RAI14: variants seen among roughly 807,000 people sequenced by gnomAD.
The protein encoded by RAI14 is ankycorbin.
A neutral mutation model predicts 115.4 loss-of-function variants in RAI14; 45 were observed. The observed-to-expected ratio is 0.39, with a 90% CI of 0.31 to 0.50. The LOEUF (loss-of-function observed/expected upper bound fraction) is 0.50. Ranked by LOEUF, RAI14 falls within the 20% of genes least tolerant of loss-of-function variation. RAI14 has a pLI of 0.85. For synonymous variants in RAI14, 371 were observed against 415.4 expected (o/e 0.89, Z 1.30); for missense variants, 939 against 1,131.2 (o/e 0.83, Z 2.44).
At chr5:34,668,889 G>C (rs1168593364) in intron 1 of RAI14, among the ~76,000 whole-genome samples, 1 of 151,608 alleles carries the variant, frequency 6.6e-6, no homozygotes, top group Non-Finnish European at 1.5e-5. Context: ...ATAGAGTCTC[G>C]CTCTGTCCCC....
chr5:34,668,754 C>T (rs1743405763), intron 1 of RAI14, among the ~76,000 whole-genome samples: 1 of 152,054 alleles, frequency 6.6e-6, no homozygotes, highest in Non-Finnish European at 1.5e-5. Context: ...ACTTACCATC[C>T]AAGATTTTCT....
chr5:34,708,319 T>C (rs899849445), intron 2 of RAI14, among the ~76,000 whole-genome samples: 1 of 151,948 alleles, frequency 6.6e-6, no homozygotes. Context: ...TCTCCTGCCG[T>C]AGCCTCCCGA....
intron 2 of RAI14, among the ~76,000 whole-genome samples, chr5:34,748,258 A>G (rs1200386858): frequency 6.6e-6 from 1 of 152,230 alleles, no homozygotes; most frequent in African/African-American, 2.4e-5. Context: ...AATAATCTTA[A>G]GCAAAAATGT....
intron 2 of RAI14, among the ~76,000 whole-genome samples, chr5:34,716,556 G>T (rs1305798273): frequency 6.6e-6 from 1 of 152,076 alleles, no homozygotes; most frequent in Admixed American, 6.6e-5. Flanking sequence ...GAGCCTACAG[G>T]TGCGTGCCAC....
At chr5:34,706,980 A>G (rs928538406) in intron 2 of RAI14, among the ~76,000 whole-genome samples, 1 of 152,254 alleles carries the variant, frequency 6.6e-6, no homozygotes, top group East Asian at 1.9e-4. Flanking sequence ...GATGATAAAT[A>G]TGTAAAACAT....
At chr5:34,785,017 G>A (rs146033629) in intron 3 of RAI14, among the ~76,000 whole-genome samples, 1 of 152,210 alleles carries the variant, frequency 6.6e-6, no homozygotes, top group East Asian at 1.9e-4. Context: ...CTGAATTAAT[G>A]GCTCATAAAT....
chr5:34,726,538 A>G lies in RAI14; in HGVS notation c.37-30930A>G, dbSNP rs567848317. Among the ~76,000 whole-genome samples the G allele has an allele frequency of 3.9e-5, 6 of 152,290 alleles. No individual in the cohort carries two copies. In the South Asian group the frequency reaches 1.2e-3, roughly 32 times the overall value. On this transcript the variant is annotated intron_variant, in intron 2 of 17. Transcript: ENST00000265109. ...CCAGGTCCCTCCCCTAACACTGGGAATTACAATCCAAGGTGAGATTTGGAT... is the reference window on the plus strand; with the variant it reads ...CCAGGTCCCTCCCCTAACACTGGGAGTTACAATCCAAGGTGAGATTTGGAT...
intron 1 of RAI14, among the ~76,000 whole-genome samples, chr5:34,668,886 C>T (rs1309794981): frequency 6.6e-6 from 1 of 151,866 alleles, no homozygotes; most frequent in Non-Finnish European, 1.5e-5. Context: ...GAGATAGAGT[C>T]TCGCTCTGTC....
chr5:34,822,502 C>G (rs1273023896), intron 14 of RAI14, among the ~76,000 whole-genome samples: 1 of 151,144 alleles, frequency 6.6e-6, no homozygotes, highest in African/African-American at 2.4e-5. Flanking sequence ...CAATAGAACC[C>G]AAAGCAAGCT....
chr5:34,831,019 C>G lies in RAI14; in HGVS notation c.*254C>G. On this transcript the variant is annotated 3_prime_UTR_variant, in exon 18 of 18. Transcript: ENST00000265109. Reference sequence around the variant, plus strand: ...ATTCCAGAGCTGGGATCAGCCATGCCCAGAGGTCTGGTCCTGATGCTGGCA... The same window carrying G: ...ATTCCAGAGCTGGGATCAGCCATGCGCAGAGGTCTGGTCCTGATGCTGGCA... 1 of 590,566 alleles carries G rather than the reference C, an allele frequency of 1.7e-6. No individual in the cohort carries two copies. The highest frequency in any genetic ancestry group is 2.4e-5 in the South Asian group (1 of 42,526). 36.6% of individuals were successfully genotyped at this position (590,566 alleles called of 1,614,324 possible). A position where few individuals can be genotyped will look rare whatever the true frequency, so the allele number is the denominator to read the frequency against.
intron 4 of RAI14, among the ~76,000 whole-genome samples, chr5:34,801,966 A>T (rs1339742681): frequency 6.6e-6 from 1 of 152,100 alleles, no homozygotes; most frequent in Non-Finnish European, 1.5e-5. Context: ...AGGGAGTCTG[A>T]GGTGGGAGGA....
At chr5:34,691,898 C>T (rs1738648210) in intron 2 of RAI14, among the ~76,000 whole-genome samples, 1 of 152,136 alleles carries the variant, frequency 6.6e-6, no homozygotes, top group African/African-American at 2.4e-5. Context: ...AGGAAATGCA[C>T]ACACCCCATG....
At chr5:34,806,453 A>G (rs1274063906) in intron 5 of RAI14, among the ~76,000 whole-genome samples, 1 of 152,118 alleles carries the variant, frequency 6.6e-6, no homozygotes, top group African/African-American at 2.4e-5. Context: ...AACTGGGGAG[A>G]CGTGCCAGGA....
Position 34,674,549 on chromosome 5 carries a change from T to G in RAI14, c.-48-12323T>G, listed in dbSNP as rs575639393. 4.6e-5 allele frequency among the ~76,000 whole-genome samples: 7 copies of G among 152,212 alleles called. No homozygotes were observed. In the South Asian group the frequency reaches 1.5e-3, roughly 32 times the overall value. ...ATTTTTCATAACCAATTCCTTTGTA[T>G]ATGGGTCTCCCTTTTGCTTTTTGAA... On this transcript the variant is annotated intron_variant, in intron 1 of 17. Coordinates refer to ENST00000265109, the MANE Select transcript of RAI14 (RefSeq NM_015577.3).
intron 4 of RAI14, among the ~76,000 whole-genome samples, chr5:34,801,666 G>A (rs535383462): frequency 3.9e-5 from 6 of 151,970 alleles, no homozygotes; most frequent in African/African-American, 9.7e-5. Flanking sequence ...GCTTGAACCC[G>A]GGAGGCAGAG....
intron 2 of RAI14, among the ~76,000 whole-genome samples, chr5:34,695,306 T>C (rs565949549): frequency 1.3e-5 from 2 of 152,352 alleles, no homozygotes; most frequent in South Asian, 2.1e-4. Flanking sequence ...AATAACAAAA[T>C]ACCCTATACA....
intron 2 of RAI14, among the ~76,000 whole-genome samples, chr5:34,691,652 C>T (rs1474540784): frequency 6.6e-6 from 1 of 152,160 alleles, no homozygotes; most frequent in Non-Finnish European, 1.5e-5. Flanking sequence ...ATCTTTGTAA[C>T]ACATCTTGAG....
At chr5:34,763,653 C>G (rs1748972273) in intron 3 of RAI14, among the ~76,000 whole-genome samples, 1 of 152,194 alleles carries the variant, frequency 6.6e-6, no homozygotes, top group Non-Finnish European at 1.5e-5. Flanking sequence ...TAATCAGATG[C>G]TAACCTGTAA....
At chr5:34,790,760 A>T (rs533758499) in intron 3 of RAI14, among the ~76,000 whole-genome samples, 170 of 135,298 alleles carry the variant, frequency 1.3e-3, no homozygotes, top group African/African-American at 4.0e-3. Flanking sequence ...GTGTGTGTGT[A>T]TATATACATA....
Sources: gnomAD v4.1 joint callset for allele counts (sites outside exome capture counted in the v4.1 genomes callset) on GRCh38, gnomAD v4.1.1 for gene constraint, MANE v1.5 for transcripts, NCBI Gene and HGNC (gene_info 2026-07-23, HGNC 2026-07-21) for gene names.